The following CSTPP1 variants were observed in gnomAD, a reference collection of about 807,000 sequenced individuals.
CSTPP1 encodes the protein centriolar satellite-associated tubulin polyglutamylase complex regulator 1, also known as UPF0705 protein C11orf49.
chr11:47,149,062 C>G, the CSTPP1 span, among the ~76,000 whole-genome samples: 4 of 152,216 alleles, frequency 2.6e-5, no homozygotes, highest in East Asian at 7.7e-4. Context: ...TGGAAGTCAG[C>G]AGGGGAGGGA....
chr11:46,947,224 T>C, the CSTPP1 span, among the ~76,000 whole-genome samples: 1 of 152,244 alleles, frequency 6.6e-6, no homozygotes, highest in Admixed American at 6.5e-5. Context: ...TGTCCTTTAG[T>C]TGGACAGAGT....
the CSTPP1 span, among the ~76,000 whole-genome samples, chr11:46,945,696 C>CT: frequency 3.9e-5 from 6 of 152,098 alleles, no homozygotes; most frequent in Non-Finnish European, 2.9e-5. Context: ...TCCCCCTACC[C>CT]TTCTCCTTCC....
chr11:47,024,827 A>T, the CSTPP1 span, among the ~76,000 whole-genome samples: 3 of 152,038 alleles, frequency 2.0e-5, no homozygotes, highest in African/African-American at 7.2e-5. Flanking sequence ...TTTGTTTATA[A>T]GAGTTTGGTG....
chr11:47,012,425 AT>A, the CSTPP1 span, among the ~76,000 whole-genome samples: 5 of 152,192 alleles, frequency 3.3e-5, no homozygotes, highest in African/African-American at 1.2e-4. Flanking sequence ...TATATTCTTG[AT>A]TAAGATAATG....
At chr11:47,145,480 C>T in the CSTPP1 span, among the ~76,000 whole-genome samples, 29 of 152,116 alleles carry the variant, frequency 1.9e-4, no homozygotes, top group East Asian at 2.6e-3. Context: ...TGGGGTGGCA[C>T]GCACCTATGG....
chr11:47,101,164 ATT>A, the CSTPP1 span, among the ~76,000 whole-genome samples: 3 of 30,374 alleles, frequency 9.9e-5, no homozygotes, highest in African/African-American at 5.4e-4. Flanking sequence ...ACACCGGCTA[ATT>A]TTTTTTTTTT....
chr11:46,962,982 A>G, the CSTPP1 span, among the ~76,000 whole-genome samples: 1 of 152,210 alleles, frequency 6.6e-6, no homozygotes, highest in Non-Finnish European at 1.5e-5. Context: ...TGTATCTTTC[A>G]ACATTGCTGA....
chr11:47,118,508 C>T, the CSTPP1 span, among the ~76,000 whole-genome samples: 1,136 of 152,230 alleles, frequency 7.5e-3, 14 homozygotes, highest in African/African-American at 0.026. Flanking sequence ...TGAGGAGCTG[C>T]GATCCTTTGG....
chr11:47,129,467 A>C, the CSTPP1 span, among the ~76,000 whole-genome samples: 34 of 152,132 alleles, frequency 2.2e-4, no homozygotes, highest in African/African-American at 8.2e-4. Context: ...GCCTCCTTCC[A>C]CAATGCATAC....
At chr11:47,038,481 G>A in the CSTPP1 span, among the ~76,000 whole-genome samples, 4 of 107,450 alleles carry the variant, frequency 3.7e-5, no homozygotes, top group South Asian at 3.1e-4. Flanking sequence ...CCTCCCGGAC[G>A]GGGCGGCCGG....
chr11:46,957,934 C>T, the CSTPP1 span, among the ~76,000 whole-genome samples: 1 of 152,122 alleles, frequency 6.6e-6, no homozygotes, highest in Non-Finnish European at 1.5e-5. Flanking sequence ...AGATACATAG[C>T]TATATAGATA....
the CSTPP1 span, chr11:47,041,688 G>T: frequency 2.1e-6 from 1 of 486,778 alleles, no homozygotes; most frequent in Non-Finnish European, 4.2e-6. Context: ...CCTGGCTGGG[G>T]TCAATTTCCA....
the CSTPP1 span, among the ~76,000 whole-genome samples, chr11:47,118,195 A>G: frequency 6.6e-6 from 1 of 151,964 alleles, no homozygotes; most frequent in Admixed American, 6.6e-5. Context: ...GTATTTCATT[A>G]ATTTGATCTT....
chr11:47,122,068 T>TAAAAAAA, the CSTPP1 span, among the ~76,000 whole-genome samples: 3 of 5,290 alleles, frequency 5.7e-4, no homozygotes, highest in African/African-American at 3.6e-3. Context: ...AGACCCTGTC[T>TAAAAAAA]CAAAAAAAAA....
chr11:47,043,030 C>T, the CSTPP1 span, among the ~76,000 whole-genome samples: 1 of 152,136 alleles, frequency 6.6e-6, no homozygotes, highest in Non-Finnish European at 1.5e-5. Context: ...TGACTAGGAA[C>T]TCACTAAACC....
At chr11:47,011,456 G>A in the CSTPP1 span, among the ~76,000 whole-genome samples, 1 of 152,218 alleles carries the variant, frequency 6.6e-6, no homozygotes, top group African/African-American at 2.4e-5. Context: ...TCTCCCTTCA[G>A]TACCCATGTG....
At chr11:47,138,895 G>A in the CSTPP1 span, among the ~76,000 whole-genome samples, 4 of 138,606 alleles carry the variant, frequency 2.9e-5, no homozygotes, top group Admixed American at 8.0e-5. Flanking sequence ...AAGAGAATTC[G>A]CTTGAACCTG....
chr11:47,072,803 T>C, the CSTPP1 span, among the ~76,000 whole-genome samples: 9 of 152,220 alleles, frequency 5.9e-5, no homozygotes, highest in Non-Finnish European at 1.2e-4. Context: ...TGTATTATGC[T>C]AATTGTCCAA....
chr11:47,108,636 C>T, the CSTPP1 span, among the ~76,000 whole-genome samples: 2 of 150,974 alleles, frequency 1.3e-5, no homozygotes, highest in South Asian at 2.1e-4. Context: ...GCAGGAGGGT[C>T]TCAGGACTTG....
Sources: gnomAD v4.1 joint callset for allele counts (sites outside exome capture counted in the v4.1 genomes callset) on GRCh38, gnomAD v4.1.1 for gene constraint, MANE v1.5 for transcripts, NCBI Gene and HGNC (gene_info 2026-07-23, HGNC 2026-07-21) for gene names.